The following DRC8 variants were observed in gnomAD, a reference collection of about 807,000 sequenced individuals.
DRC8 encodes dynein regulatory complex protein 8.
chr1:245,081,775 T>G, the DRC8 span, among the ~76,000 whole-genome samples: 2 of 152,216 alleles, frequency 1.3e-5, no homozygotes, highest in African/African-American at 4.8e-5. Context: ...GGCCGAGTGT[T>G]CTTTATTGGC....
the DRC8 span, among the ~76,000 whole-genome samples, chr1:245,112,483 T>C: frequency 1.3e-5 from 2 of 152,360 alleles, no homozygotes; most frequent in Non-Finnish European, 2.9e-5. Context: ...GAAAAGGTTA[T>C]TGAAAATTTT....
At chr1:245,037,992 T>C in the DRC8 span, among the ~76,000 whole-genome samples, 43,265 of 151,952 alleles carry the variant, frequency 0.28, 6,406 homozygotes, top group Middle Eastern at 0.35. Flanking sequence ...GATGAACAAA[T>C]AGACATACCA....
At chr1:245,024,610 C>T in the DRC8 span, among the ~76,000 whole-genome samples, 218 of 150,392 alleles carry the variant, frequency 1.4e-3, no homozygotes, top group African/African-American at 5.1e-3. Context: ...TGCAGTGGCA[C>T]GATCTCAGCT....
the DRC8 span, among the ~76,000 whole-genome samples, chr1:245,103,521 TCA>T: frequency 3.8e-3 from 6 of 1,578 alleles, 2 homozygotes; most frequent in African/African-American, 0.022. Flanking sequence ...CTGAGGAGGA[TCA>T]GAGGTGGTCC....
At chr1:244,970,574 G>A in the DRC8 span, 4 of 1,213,526 alleles carry the variant, frequency 3.3e-6, no homozygotes, top group Non-Finnish European at 4.4e-6. Context: ...GCGGCCTGAG[G>A]AGGGGGCCAC....
At chr1:245,081,857 C>A in the DRC8 span, among the ~76,000 whole-genome samples, 2 of 152,192 alleles carry the variant, frequency 1.3e-5, no homozygotes, top group Non-Finnish European at 2.9e-5. Flanking sequence ...GTTGCTGTTT[C>A]TTGATTAATG....
At chr1:245,114,277 A>G in the DRC8 span, among the ~76,000 whole-genome samples, 1 of 151,954 alleles carries the variant, frequency 6.6e-6, no homozygotes, top group Non-Finnish European at 1.5e-5. Context: ...AGCCTGGCCG[A>G]TATGGTGAAA....
chr1:245,026,930 G>A, the DRC8 span, among the ~76,000 whole-genome samples: 1 of 152,158 alleles, frequency 6.6e-6, no homozygotes, highest in South Asian at 2.1e-4. Context: ...GGGATGAGGA[G>A]TGGAATGTTA....
chr1:245,058,250 T>A, the DRC8 span, among the ~76,000 whole-genome samples: 2 of 150,600 alleles, frequency 1.3e-5, no homozygotes, highest in African/African-American at 4.9e-5. Flanking sequence ...CTAAAAATAA[T>A]AATAATAATA....
At chr1:245,105,103 C>T in the DRC8 span, among the ~76,000 whole-genome samples, 50 of 152,292 alleles carry the variant, frequency 3.3e-4, 2 homozygotes, top group East Asian at 7.7e-3. Context: ...TCTAGAGGCT[C>T]GATCAATGTC....
the DRC8 span, among the ~76,000 whole-genome samples, chr1:245,096,477 A>G: frequency 2.6e-5 from 4 of 152,234 alleles, no homozygotes; most frequent in African/African-American, 9.6e-5. Context: ...TGTGCCAGAC[A>G]CTGTGCTGGG....
At chr1:245,051,673 G>A in the DRC8 span, among the ~76,000 whole-genome samples, 5 of 152,262 alleles carry the variant, frequency 3.3e-5, no homozygotes, top group African/African-American at 9.6e-5. Context: ...AAAGGAAGCC[G>A]GGAAATAGAA....
At chr1:244,971,862 G>T in the DRC8 span, among the ~76,000 whole-genome samples, 1 of 149,986 alleles carries the variant, frequency 6.7e-6, no homozygotes, top group Non-Finnish European at 1.5e-5. Flanking sequence ...GGATTATTTT[G>T]TAGGTATTAG....
chr1:245,082,054 A>G, the DRC8 span: 11 of 1,548,732 alleles, frequency 7.1e-6, no homozygotes, highest in Admixed American at 1.3e-4. Flanking sequence ...TTGAATGACT[A>G]AATGGCTATT....
the DRC8 span, among the ~76,000 whole-genome samples, chr1:244,997,088 A>G: frequency 1.3e-5 from 2 of 152,368 alleles, no homozygotes; most frequent in Admixed American, 6.5e-5. Context: ...TAAGGAAAAA[A>G]GACTGTACAT....
the DRC8 span, among the ~76,000 whole-genome samples, chr1:245,059,938 A>T: frequency 1.3e-5 from 2 of 152,216 alleles, no homozygotes; most frequent in African/African-American, 4.8e-5. Flanking sequence ...ATGATCCCAT[A>T]AGGCAGTGGA....
At chr1:244,997,790 C>A in the DRC8 span, among the ~76,000 whole-genome samples, 2 of 152,094 alleles carry the variant, frequency 1.3e-5, no homozygotes, top group African/African-American at 4.8e-5. Flanking sequence ...GGTGATCCGC[C>A]CACCTCGGCC....
At chr1:245,041,822 AG>A in the DRC8 span, among the ~76,000 whole-genome samples, 12 of 152,142 alleles carry the variant, frequency 7.9e-5, no homozygotes, top group Non-Finnish European at 1.3e-4. Context: ...TCGCGCACAG[AG>A]GGGTGACCAG....
chr1:245,086,621 A>C, the DRC8 span: 2 of 460,406 alleles, frequency 4.3e-6, no homozygotes, highest in Non-Finnish European at 9.1e-6. Context: ...GGAAGATCTC[A>C]GAACAATTTT....
Sources: gnomAD v4.1 joint callset for allele counts (sites outside exome capture counted in the v4.1 genomes callset) on GRCh38, gnomAD v4.1.1 for gene constraint, MANE v1.5 for transcripts, NCBI Gene and HGNC (gene_info 2026-07-23, HGNC 2026-07-21) for gene names.